Variants in NAALADL2 observed in about 807,000 individuals in gnomAD.
NAALADL2 encodes the protein N-acetylated alpha-linked acidic dipeptidase like 2, also known as inactive N-acetylated-alpha-linked acidic dipeptidase-like protein 2.
NAALADL2 carries 76 observed loss-of-function variants against 87.2 expected under a neutral mutation model. The ratio of observed to expected loss-of-function variants is 0.87; its 90% CI spans 0.72 to 1.05. NAALADL2 has a LOEUF of 1.05. NAALADL2 is among the 50% of genes least tolerant of loss of function. The probability of loss-of-function intolerance (pLI) is 0.00; values close to 1 mark genes in which losing one functional copy is unlikely to be tolerated. For synonymous variants in NAALADL2, 354 were observed against 331.0 expected (o/e 1.07, Z -0.75); for missense variants, 1,089 against 945.8 (o/e 1.15, Z -1.99).
intron 1 of NAALADL2, among the ~76,000 whole-genome samples, chr3:174,453,627 A>T (rs765728661): frequency 9.9e-5 from 15 of 152,244 alleles, no homozygotes; most frequent in Non-Finnish European, 2.2e-4. Context: ...TTCTTAAAAT[A>T]AATTCCAACA....
chr3:174,906,823 A>G (rs1358992432), intron 1 of NAALADL2, among the ~76,000 whole-genome samples: 1 of 152,134 alleles, frequency 6.6e-6, no homozygotes, highest in African/African-American at 2.4e-5. Flanking sequence ...ATAATTTGTT[A>G]TGTAGCAATA....
chr3:174,720,657 A>G (rs1731629361), intron 2 of NAALADL2, among the ~76,000 whole-genome samples: 1 of 152,194 alleles, frequency 6.6e-6, no homozygotes, highest in Admixed American at 6.5e-5. Flanking sequence ...AATGAAAAAA[A>G]AATTATCGTT....
intron 1 of NAALADL2, among the ~76,000 whole-genome samples, chr3:175,006,867 G>A (rs1749097865): frequency 1.3e-5 from 2 of 151,126 alleles, no homozygotes. Flanking sequence ...GATGTTGTGA[G>A]CGTATGACTT....
At chr3:175,462,918 A>G (rs1723372363) in intron 6 of NAALADL2, among the ~76,000 whole-genome samples, 1 of 152,216 alleles carries the variant, frequency 6.6e-6, no homozygotes, top group Admixed American at 6.5e-5. Flanking sequence ...TATGTTGTAT[A>G]ATGCTTTATT....
intron 2 of NAALADL2, among the ~76,000 whole-genome samples, chr3:174,622,332 A>G (rs1250655881): frequency 2.0e-5 from 3 of 152,220 alleles, no homozygotes; most frequent in South Asian, 4.1e-4. Context: ...AACTAAGTAT[A>G]TCTGTTTTCT....
At chr3:175,173,314 AAATAAATAAAT>A (rs1560118615) in intron 2 of NAALADL2, among the ~76,000 whole-genome samples, 3 of 54,196 alleles carry the variant, frequency 5.5e-5, no homozygotes, top group African/African-American at 1.7e-4. Flanking sequence ...TAAATAAAAT[AAATAAATAAAT>A]AAATAAATAA....
In NAALADL2 at chr3:175,737,333, G is replaced by C. The variant is rs1744632584; in HGVS notation, c.1924G>C (p.Ala642Pro). ...CTCAGGAGAAGTGATTTTGCAAATT[G>C]CCAACGAACCTGTTCTGCCCTTTAA... ...KLSGEVILQI[A>P]NEPVLPFNAL... is the part of the protein sequence containing the mutation. Residue 642 changes from alanine to proline, a missense_variant, in exon 12 of 14, where the codon GCC (alanine) becomes CCC (proline). Transcript: ENST00000454872. 6.2e-7 allele frequency: 1 copy of C among 1,610,900 alleles called. No homozygotes were observed. The highest frequency in any genetic ancestry group is 2.2e-5 in the East Asian group (1 of 44,744).
chr3:174,480,522 C>G (rs898493693), intron 1 of NAALADL2, among the ~76,000 whole-genome samples: 2 of 151,954 alleles, frequency 1.3e-5, no homozygotes. Context: ...TGATTTTACT[C>G]TAGGAATATG....
intron 2 of NAALADL2, among the ~76,000 whole-genome samples, chr3:174,721,297 A>G (rs1226418310): frequency 1.3e-5 from 2 of 152,212 alleles, no homozygotes; most frequent in Non-Finnish European, 2.9e-5. Context: ...AAGCATTTGT[A>G]ATATGACAGT....
chr3:174,716,798 G>A (rs570539486), intron 2 of NAALADL2, among the ~76,000 whole-genome samples: 2 of 151,942 alleles, frequency 1.3e-5, no homozygotes, highest in South Asian at 2.1e-4. Flanking sequence ...GTACAGTTCG[G>A]TATGAAAAAT....
chr3:175,450,723 G>T (rs910702812), intron 6 of NAALADL2, among the ~76,000 whole-genome samples: 1 of 152,094 alleles, frequency 6.6e-6, no homozygotes, highest in African/African-American at 2.4e-5. Context: ...TAGGGATATT[G>T]CCAAAGCTAC....
chr3:175,052,245 G>T (rs1346313271), intron 1 of NAALADL2, among the ~76,000 whole-genome samples: 8 of 152,184 alleles, frequency 5.3e-5, no homozygotes, highest in African/African-American at 1.9e-4. Flanking sequence ...CCCTGAGTGG[G>T]CCAGGTGTTC....
intron 5 of NAALADL2, among the ~76,000 whole-genome samples, chr3:175,333,005 T>C (rs1761570329): frequency 1.3e-5 from 2 of 152,234 alleles, no homozygotes; most frequent in African/African-American, 4.8e-5. Flanking sequence ...TCATTCTATA[T>C]GTGTCTTTAC....
At chr3:174,661,333 TAAAG>T (rs1725482906) in intron 2 of NAALADL2, among the ~76,000 whole-genome samples, 2 of 152,140 alleles carry the variant, frequency 1.3e-5, no homozygotes, top group Non-Finnish European at 2.9e-5. Flanking sequence ...TAATGAATAT[TAAAG>T]AAGAACTGTT....
intron 3 of NAALADL2, among the ~76,000 whole-genome samples, chr3:174,828,379 T>C (rs1722236332): frequency 6.6e-6 from 1 of 152,184 alleles, no homozygotes; most frequent in South Asian, 2.1e-4. Context: ...TCAAATTCTT[T>C]TCTTATAAAT....
At chr3:175,218,044 A>G in intron 2 of NAALADL2, 2 of 421,266 alleles carry the variant, frequency 4.7e-6, no homozygotes, top group Non-Finnish European at 4.7e-6. Flanking sequence ...ATTGCAGTGA[A>G]TTTCAATGTT....
chr3:175,759,573 G>T (rs1485433783), intron 13 of NAALADL2, among the ~76,000 whole-genome samples: 2 of 151,990 alleles, frequency 1.3e-5, no homozygotes, highest in Non-Finnish European at 2.9e-5. Flanking sequence ...GGTCAGGCTG[G>T]TCTCAAACTC....
intron 1 of NAALADL2, among the ~76,000 whole-genome samples, chr3:174,477,796 T>A (rs987427242): frequency 6.6e-6 from 1 of 152,176 alleles, no homozygotes; most frequent in African/African-American, 2.4e-5. Flanking sequence ...AGAATTAGCT[T>A]CTTGGTTTAC....
intron 13 of NAALADL2, among the ~76,000 whole-genome samples, chr3:175,767,965 A>T (rs114543440): frequency 0.027 from 4,083 of 152,280 alleles, 75 homozygotes; most frequent in Non-Finnish European, 0.039. Context: ...CTTTTACTGC[A>T]CTTCGAAAAA....
Sources: gnomAD v4.1 joint callset for allele counts (sites outside exome capture counted in the v4.1 genomes callset) on GRCh38, gnomAD v4.1.1 for gene constraint, MANE v1.5 for transcripts, NCBI Gene and HGNC (gene_info 2026-07-23, HGNC 2026-07-21) for gene names.